Variants in KCNMA1 observed in about 807,000 individuals in gnomAD.
KCNMA1 encodes potassium calcium-activated channel subfamily M alpha 1.
KCNMA1 carries 29 observed loss-of-function variants against 140.0 expected under a neutral mutation model. That is an observed-to-expected ratio of 0.21 (90% CI 0.15 to 0.28). The LOEUF is 0.28. KCNMA1 is among the 10% of genes least tolerant of loss of function. The probability of loss-of-function intolerance (pLI) is 1.00; values close to 1 mark genes in which losing one functional copy is unlikely to be tolerated. For synonymous variants in KCNMA1, 612 were observed against 611.9 expected (o/e 1.00, Z 0.00); for missense variants, 880 against 1,602.2 (o/e 0.55, Z 7.70).
intron 25 of KCNMA1, chr10:76,901,955 A>T (rs889559761): frequency 1.3e-5 from 2 of 152,230 alleles, no homozygotes; most frequent in Admixed American, 6.5e-5. Context: ...TGTGCTCTGC[A>T]CACCTATCTC....
intron 1 of KCNMA1, among the ~76,000 whole-genome samples, chr10:77,558,659 C>T (rs530510629): frequency 6.6e-6 from 1 of 152,274 alleles, no homozygotes; most frequent in East Asian, 1.9e-4. Flanking sequence ...AACACAGATG[C>T]CCAGTCCCTG....
chr10:77,492,228 T>C (rs2040201926), intron 1 of KCNMA1, among the ~76,000 whole-genome samples: 1 of 152,168 alleles, frequency 6.6e-6, no homozygotes, highest in Non-Finnish European at 1.5e-5. Flanking sequence ...TCCCAACACA[T>C]GGCTTCCACA....
At chr10:77,578,161 G>A (rs558849948) in intron 1 of KCNMA1, among the ~76,000 whole-genome samples, 2 of 152,356 alleles carry the variant, frequency 1.3e-5, no homozygotes, top group African/African-American at 4.8e-5. Context: ...TTTCTCCTGA[G>A]TGGTGTGTGG....
rs368391590 is a variant in KCNMA1, at chr10:77,010,935, G to A, written c.2092+1032C>T. Among the ~76,000 whole-genome samples, 10 of 152,056 alleles carry A rather than the reference G, an allele frequency of 6.6e-5. No individual in the cohort carries two copies. In the East Asian group the frequency reaches 1.8e-3, roughly 27 times the overall value. ...TTAGAGCACCCAGAGAATCAATAGA[G>A]GCCTTCAGGTGTGCCCAAATCCCTG... is the stretch of plus-strand genomic sequence containing the variant. On this transcript the variant is annotated intron_variant, in intron 18 of 27. Coordinates refer to ENST00000286628, the MANE Select transcript of KCNMA1 (RefSeq NM_001161352.2).
At chr10:77,471,685 TATACACAC>T (rs2098157189) in intron 1 of KCNMA1, among the ~76,000 whole-genome samples, 1 of 138,574 alleles carries the variant, frequency 7.2e-6, no homozygotes, top group Admixed American at 7.1e-5. Context: ...CCACACACAC[TATACACAC>T]ATACACATTA....
chr10:77,506,596 A>AGAGTGTGTGTGTGT lies in KCNMA1; in HGVS notation c.379-102574_379-102573insACACACACACACTC. ...TAGAGAGAGAGAGAGAGAGAGAGAG[A>AGAGTGTGTGTGTGT]GTGTGTGTGTGTGTGTGTGTGTGTT... On this transcript the variant is annotated intron_variant, in intron 1 of 27. Transcript: ENST00000286628. Among the ~76,000 whole-genome samples, 8 of 83,570 alleles carry AGAGTGTGTGTGTGT rather than the reference A, an allele frequency of 9.6e-5. No homozygotes were observed. In the East Asian group the frequency reaches 1.3e-3, roughly 14 times the overall value. 54.8% of individuals were successfully genotyped at this position (83,570 alleles called of 152,430 possible). A position where few individuals can be genotyped will look rare whatever the true frequency, so the allele number is the denominator to read the frequency against.
intron 18 of KCNMA1, chr10:77,008,260 T>C: frequency 6.9e-7 from 1 of 1,459,348 alleles, no homozygotes; most frequent in South Asian, 1.3e-5. Flanking sequence ...AAAAAATAAA[T>C]CAAAGATATG....
rs56364046 is a variant in KCNMA1, at chr10:77,482,991, T to TACAC, written c.379-78972_379-78969dup. Among the ~76,000 whole-genome samples, 778 of 126,818 alleles carry TACAC rather than the reference T, an allele frequency of 6.1e-3. 7 individuals are homozygous for TACAC. The highest frequency in any genetic ancestry group is 0.015 in the Middle Eastern group (4 of 260). The allele number at this position is 126,818 out of a possible 152,430, so 83.2% of individuals were successfully genotyped here. On this transcript the variant is annotated intron_variant, in intron 1 of 27. Transcript: ENST00000286628. ...CTCTCTTCTCTCTCTCTCTCTCACA[T>TACAC]ACACACACACACACACACACACACA...
intron 19 of KCNMA1, among the ~76,000 whole-genome samples, chr10:76,986,763 T>A (rs1209226353): frequency 6.6e-6 from 1 of 152,232 alleles, no homozygotes; most frequent in African/African-American, 2.4e-5. Flanking sequence ...CATAGGTGGA[T>A]GAACAGAAGC....
chr10:77,607,406 C>T (rs911633811), intron 1 of KCNMA1, among the ~76,000 whole-genome samples: 3 of 152,134 alleles, frequency 2.0e-5, no homozygotes, highest in Admixed American at 6.5e-5. Context: ...AAGATGTCCA[C>T]GTCCTCATCC....
At position 76,887,335 on chromosome 10, in the gene KCNMA1, G is replaced by T. The variant is rs1564710712; in HGVS notation, c.3642C>A (p.Asn1214Lys). 1 of 1,614,136 alleles carries T rather than the reference G, an allele frequency of 6.2e-7. No homozygotes were observed. Among genetic ancestry groups the T allele is most frequent in the Admixed American group, 1.7e-5 (1 of 60,026 alleles). ...CCCTGGACTTGGGCCGGTTCTGTCG[G>T]TTTGCTGTGGATGGGATGGAGTGAA... ...SSVHSIPSTA[N>K]RQNRPKSRES... The change falls in exon 28 of 28, where the codon AAC becomes AAA. Residue 1214 changes from asparagine (N) to lysine (K), a missense_variant. Coordinates refer to ENST00000286628, the MANE Select transcript of KCNMA1 (RefSeq NM_001161352.2).
chr10:77,615,439 G>C (rs748622572), intron 1 of KCNMA1, among the ~76,000 whole-genome samples: 1 of 152,172 alleles, frequency 6.6e-6, no homozygotes, highest in Non-Finnish European at 1.5e-5. Context: ...GCTGCAGAAG[G>C]TGGGTGGTGT....
chr10:77,370,137 A>G (rs1270824166), intron 2 of KCNMA1, among the ~76,000 whole-genome samples: 1 of 152,222 alleles, frequency 6.6e-6, no homozygotes, highest in African/African-American at 2.4e-5. Flanking sequence ...AGAAGTGTTG[A>G]TGTAGATAAA....
At chr10:77,483,347 G>C (rs967470566) in intron 1 of KCNMA1, among the ~76,000 whole-genome samples, 5 of 152,200 alleles carry the variant, frequency 3.3e-5, no homozygotes, top group African/African-American at 1.2e-4. Flanking sequence ...GCAGAGCCCA[G>C]CTCCTTTTTC....
At chr10:77,162,676 T>C (rs551271053) in intron 5 of KCNMA1, among the ~76,000 whole-genome samples, 1 of 152,134 alleles carries the variant, frequency 6.6e-6, no homozygotes, top group African/African-American at 2.4e-5. Context: ...TACTCTCCAA[T>C]GGGTAAAGAA....
rs147413411 is a variant in KCNMA1 at position 77,176,599 on chromosome 10, G to A, written c.808+6822C>T. On this transcript the variant is annotated intron_variant, in intron 5 of 27. Transcript: ENST00000286628. ...CCCAAAGGGCCGTGAATGACCCCTG[G>A]AGCAAAGGACTCCAAAAGGCTCTGC... 8.6e-3 allele frequency among the ~76,000 whole-genome samples: 1,308 copies of A among 152,204 alleles called. 18 individuals carry two copies. The highest frequency in any genetic ancestry group is 0.013 in the Non-Finnish European group (907 of 67,996).
At chr10:77,353,235 A>G (rs943985491) in intron 2 of KCNMA1, among the ~76,000 whole-genome samples, 2 of 152,102 alleles carry the variant, frequency 1.3e-5, no homozygotes, top group Admixed American at 1.3e-4. Context: ...TGGTCCTGCT[A>G]ATGACCACCT....
intron 1 of KCNMA1, among the ~76,000 whole-genome samples, chr10:77,469,418 G>A (rs1427170184): frequency 1.3e-5 from 2 of 152,136 alleles, no homozygotes; most frequent in South Asian, 2.1e-4. Context: ...AGAGGGCAGC[G>A]CCAGAACTGT....
intron 13 of KCNMA1, among the ~76,000 whole-genome samples, chr10:77,074,988 G>T (rs188938435): frequency 3.9e-5 from 6 of 152,284 alleles, no homozygotes; most frequent in African/African-American, 1.4e-4. Context: ...CAAGTCCAAG[G>T]GTTCCACACT....
Sources: allele counts gnomAD v4.1 joint callset (sites outside exome capture counted in the v4.1 genomes callset), GRCh38; gene constraint gnomAD v4.1.1; transcripts MANE v1.5; gene names NCBI Gene and HGNC (gene_info 2026-07-23, HGNC 2026-07-21).